The following RSRC1 variants were observed in gnomAD, a reference collection of about 807,000 sequenced individuals.
The protein encoded by RSRC1 is serine/Arginine-related protein 53.
RSRC1 carries 39 observed loss-of-function variants against 49.1 expected under a neutral mutation model. The observed-to-expected ratio is 0.79, with a 90% CI of 0.61 to 1.04. The LOEUF (loss-of-function observed/expected upper bound fraction) is 1.04. Ranked by LOEUF, RSRC1 falls within the 50% of genes least tolerant of loss-of-function variation. The pLI, the probability that RSRC1 is intolerant of heterozygous loss-of-function variation, is 0.00. For missense variants in RSRC1, 388 were observed against 402.4 expected (o/e 0.96, Z 0.31); for synonymous variants, 143 against 130.8 (o/e 1.09, Z -0.63).
At chr3:158,124,608 G>A (rs983019442) in intron 3 of RSRC1, among the ~76,000 whole-genome samples, 7 of 152,044 alleles carry the variant, frequency 4.6e-5, no homozygotes, top group Admixed American at 1.3e-4. Context: ...TTAGTTATAC[G>A]TCTGTTAAGA....
chr3:158,212,601 T>A (rs1020012551), intron 4 of RSRC1, among the ~76,000 whole-genome samples: 1 of 151,962 alleles, frequency 6.6e-6, no homozygotes, highest in South Asian at 2.1e-4. Context: ...TTGTATATGG[T>A]TACAGGGCAG....
intron 4 of RSRC1, among the ~76,000 whole-genome samples, chr3:158,282,323 C>T (rs988529780): frequency 6.6e-6 from 1 of 152,150 alleles, no homozygotes; most frequent in African/African-American, 2.4e-5. Flanking sequence ...TTTTATGTGA[C>T]AATTTGTAAC....
At chr3:158,228,588 A>T (rs1722654237) in intron 4 of RSRC1, among the ~76,000 whole-genome samples, 1 of 151,742 alleles carries the variant, frequency 6.6e-6, no homozygotes, top group South Asian at 2.1e-4. Context: ...AAAATTCCTT[A>T]AAAAAAATTG....
chr3:158,298,574 A>G (rs1559982253), intron 5 of RSRC1, among the ~76,000 whole-genome samples: 2 of 152,266 alleles, frequency 1.3e-5, no homozygotes, highest in Non-Finnish European at 1.5e-5. Flanking sequence ...TTGAGATGCA[A>G]AATTTTTGGT....
chr3:158,110,684 C>T (rs891974466), intron 1 of RSRC1: 3 of 152,514 alleles, frequency 2.0e-5, no homozygotes, highest in African/African-American at 7.2e-5. Context: ...AGATCCAGCT[C>T]TCTTTCTGAT....
chr3:158,415,316 T>G (rs1734684985), intron 6 of RSRC1, among the ~76,000 whole-genome samples: 1 of 152,106 alleles, frequency 6.6e-6, no homozygotes, highest in African/African-American at 2.4e-5. Context: ...GATCCAGCTT[T>G]AAAGATTCTA....
chr3:158,121,191 A>G (rs1489150628), intron 1 of RSRC1, among the ~76,000 whole-genome samples: 2 of 152,042 alleles, frequency 1.3e-5, no homozygotes, highest in Non-Finnish European at 2.9e-5. Context: ...TATATCCTTT[A>G]GAAAAATTTT....
intron 7 of RSRC1, among the ~76,000 whole-genome samples, chr3:158,485,064 G>A (rs994104595): frequency 6.6e-6 from 1 of 151,776 alleles, no homozygotes; most frequent in Non-Finnish European, 1.5e-5. Flanking sequence ...TTTCATTATG[G>A]TTCCTCAATA....
chr3:158,396,551 T>G (rs1238505635), intron 6 of RSRC1, among the ~76,000 whole-genome samples: 9 of 152,108 alleles, frequency 5.9e-5, no homozygotes, highest in Non-Finnish European at 1.3e-4. Context: ...CCACTGTAAT[T>G]TGCTAGTAGT....
chr3:158,345,307 G>A (rs564662829), intron 5 of RSRC1, among the ~76,000 whole-genome samples: 2 of 151,986 alleles, frequency 1.3e-5, no homozygotes, highest in Admixed American at 1.3e-4. Context: ...GTAAGTGTAT[G>A]TTGGTCTAAA....
At chr3:158,543,577 G>T in intron 9 of RSRC1, 90 bp downstream of exon 9, 2 of 1,313,602 alleles carry the variant, frequency 1.5e-6, no homozygotes, top group South Asian at 3.2e-5. Context: ...ACACCAAGGA[G>T]ACCATTGGAG....
chr3:158,428,013 A>G (rs141702857), intron 6 of RSRC1, among the ~76,000 whole-genome samples: 22 of 151,952 alleles, frequency 1.4e-4, no homozygotes, highest in African/African-American at 5.1e-4. Flanking sequence ...ATATACTGCT[A>G]TATTTCTGTC....
intron 7 of RSRC1, among the ~76,000 whole-genome samples, chr3:158,510,906 A>G (rs1481993315): frequency 1.3e-5 from 2 of 152,170 alleles, no homozygotes; most frequent in African/African-American, 4.8e-5. Flanking sequence ...TAAGTAAATA[A>G]ATTGACCAAC....
chr3:158,511,098 T>G (rs1740144407), intron 7 of RSRC1, among the ~76,000 whole-genome samples: 1 of 142,172 alleles, frequency 7.0e-6, no homozygotes, highest in Non-Finnish European at 1.6e-5. Flanking sequence ...AATTGGCACC[T>G]CATTTGTTGG....
At chr3:158,398,665 G>T (rs1283899732) in intron 6 of RSRC1, among the ~76,000 whole-genome samples, 2 of 152,068 alleles carry the variant, frequency 1.3e-5, no homozygotes, top group Non-Finnish European at 2.9e-5. Context: ...TGATAAATTT[G>T]CACCATCTCA....
intron 7 of RSRC1, among the ~76,000 whole-genome samples, chr3:158,507,220 A>G (rs977461518): frequency 6.6e-6 from 1 of 152,138 alleles, no homozygotes; most frequent in Non-Finnish European, 1.5e-5. Context: ...AAGTAGAATC[A>G]TGGTTACCAG....
intron 7 of RSRC1, among the ~76,000 whole-genome samples, chr3:158,492,163 C>A (rs2108448510): frequency 6.6e-6 from 1 of 152,230 alleles, no homozygotes; most frequent in Admixed American, 6.5e-5. Flanking sequence ...ACCATCAGAT[C>A]TCATGAGAAC....
intron 5 of RSRC1, among the ~76,000 whole-genome samples, chr3:158,338,848 A>C (rs1730062737): frequency 6.6e-6 from 1 of 152,228 alleles, no homozygotes; most frequent in African/African-American, 2.4e-5. Flanking sequence ...TTTGCCATTT[A>C]AGGTAACTTA....
intron 7 of RSRC1, among the ~76,000 whole-genome samples, chr3:158,518,140 A>ATTTTTTTTTTTTT (rs1553820473): frequency 2.5e-5 from 2 of 79,522 alleles, no homozygotes; most frequent in African/African-American, 8.1e-5. Context: ...ATATATATAT[A>ATTTTTTTTTTTTT]TATATATATT....
Sources: allele counts gnomAD v4.1 joint callset (sites outside exome capture counted in the v4.1 genomes callset), GRCh38; gene constraint gnomAD v4.1.1; transcripts MANE v1.5; gene names NCBI Gene and HGNC (gene_info 2026-07-23, HGNC 2026-07-21).